The following USP43 variants were observed in gnomAD, a reference collection of about 807,000 sequenced individuals.
USP43 encodes the protein ubiquitin carboxyl-terminal hydrolase 43.
In USP43, 33 loss-of-function variants were observed where a neutral mutation model predicts 90.7. That is an observed-to-expected ratio of 0.36 (90% CI 0.28 to 0.49). The LOEUF is 0.49. USP43 is among the 20% of genes least tolerant of loss of function. USP43 has a pLI of 0.98. For synonymous variants in USP43, 598 were observed against 615.8 expected, an observed-to-expected ratio of 0.97 and a Z score of 0.43; for missense variants, 1,274 against 1,476.4, an observed-to-expected ratio of 0.86 and a Z score of 2.25.
At chr17:9,660,098 C>G (rs954160936) in intron 2 of USP43, among the ~76,000 whole-genome samples, 1 of 152,136 alleles carries the variant, frequency 6.6e-6, no homozygotes, top group Non-Finnish European at 1.5e-5. Context: ...GGTGCACCAC[C>G]CCCAGACCTT....
intron 1 of USP43, among the ~76,000 whole-genome samples, chr17:9,653,407 G>A (rs144743624): frequency 2.0e-5 from 3 of 152,202 alleles, no homozygotes; most frequent in Admixed American, 6.5e-5. Context: ...GGCCAACATG[G>A]CGAAACCCCA....
intron 2 of USP43, among the ~76,000 whole-genome samples, chr17:9,663,241 G>A (rs1912768122): frequency 6.6e-6 from 1 of 151,746 alleles, no homozygotes; most frequent in African/African-American, 2.4e-5. Flanking sequence ...AACTTTTTTA[G>A]CCGGATCAGA....
At chr17:9,711,906 T>C in intron 13 of USP43, 62 bp from the exon 14 acceptor site, 1 of 1,466,570 alleles carries the variant, frequency 6.8e-7, no homozygotes, top group South Asian at 1.5e-5. Context: ...TGTGAGATGC[T>C]CCGCTAGGAC....
intron 13 of USP43, among the ~76,000 whole-genome samples, chr17:9,710,377 A>G (rs777964783): frequency 4.6e-5 from 7 of 152,038 alleles, no homozygotes; most frequent in Middle Eastern, 3.2e-3. Context: ...GTGGTATTCC[A>G]TATTCCTAGT....
At chr17:9,702,198 C>CA (rs956217393) in intron 12 of USP43, among the ~76,000 whole-genome samples, 11 of 146,702 alleles carry the variant, frequency 7.5e-5, no homozygotes, top group African/African-American at 2.3e-4. Context: ...CCCGTCTCTA[C>CA]AAAAAAAATG....
chr17:9,671,395 C>T (rs1259473698), intron 3 of USP43, among the ~76,000 whole-genome samples: 1 of 152,092 alleles, frequency 6.6e-6, no homozygotes. Flanking sequence ...AAGGTGAGAT[C>T]TTGCTTACGT....
At chr17:9,708,410 G>A (rs1373869458) in intron 12 of USP43, among the ~76,000 whole-genome samples, 1 of 152,192 alleles carries the variant, frequency 6.6e-6, no homozygotes, top group Non-Finnish European at 1.5e-5. Flanking sequence ...TTCAGGGGCC[G>A]AGTGAGAGAC....
chr17:9,682,559 G>A (rs925160803), intron 6 of USP43, among the ~76,000 whole-genome samples: 1 of 152,218 alleles, frequency 6.6e-6, no homozygotes, highest in Non-Finnish European at 1.5e-5. Flanking sequence ...GGGGGACAGA[G>A]CGAGACTCTG....
intron 7 of USP43, among the ~76,000 whole-genome samples, chr17:9,685,613 AT>A (rs895552673): frequency 6.6e-6 from 1 of 152,186 alleles, no homozygotes; most frequent in African/African-American, 2.4e-5. Flanking sequence ...CAGTGTCTCC[AT>A]TTGTTACAAG....
At chr17:9,726,107 G>A (rs987782203) in intron 14 of USP43, among the ~76,000 whole-genome samples, 6 of 152,160 alleles carry the variant, frequency 3.9e-5, no homozygotes, top group Non-Finnish European at 5.9e-5. Flanking sequence ...ACATCCTTGA[G>A]ATGCTTTCTA....
Position 9,675,049 on chromosome 17 carries a change from C to T in USP43, c.833+66C>T, listed in dbSNP as rs527454129. ...ATCCTTACTCATTACGGGGAAGCTTCTGGCCTCACACCTGCCATTTTCTCT... is the reference window on the plus strand; with the variant it reads ...ATCCTTACTCATTACGGGGAAGCTTTTGGCCTCACACCTGCCATTTTCTCT... On this transcript the variant is annotated intron_variant, in intron 4 of 14. Coordinates refer to ENST00000285199, the MANE Select transcript of USP43 (RefSeq NM_153210.5). 9.3e-6 allele frequency: 13 copies of T among 1,404,850 alleles called. No homozygotes were observed. In the South Asian group the frequency reaches 1.4e-4, roughly 15 times the overall value. 87.0% of individuals were successfully genotyped at this position (1,404,850 alleles called of 1,614,324 possible).
At chr17:9,675,414 G>T (rs1688506620) in intron 4 of USP43, among the ~76,000 whole-genome samples, 1 of 151,962 alleles carries the variant, frequency 6.6e-6, no homozygotes, top group Non-Finnish European at 1.5e-5. Flanking sequence ...GAAAGGGGTT[G>T]TTTGGGGAAG....
intron 2 of USP43, among the ~76,000 whole-genome samples, chr17:9,665,702 C>A (rs1567651858): frequency 1.3e-5 from 2 of 152,154 alleles, no homozygotes; most frequent in African/African-American, 4.8e-5. Flanking sequence ...GAGATGGGGT[C>A]ATTAACCTGG....
chr17:9,727,879 C>G, intron 14 of USP43, 75 bp from the exon 15 acceptor site: 2 of 1,491,760 alleles, frequency 1.3e-6, no homozygotes, highest in Non-Finnish European at 1.8e-6. Context: ...ATCAGAGGTG[C>G]TCAGTGAACG....
intron 13 of USP43, 113 bp from the exon 14 acceptor site, chr17:9,711,841 TGTTCTGGTTCTGTA>T: frequency 9.0e-7 from 1 of 1,110,304 alleles, no homozygotes; most frequent in Non-Finnish European, 1.2e-6. Flanking sequence ...TCTGCAGTTC[TGTTCTGGTTCTGTA>T]GTTCTGGGGC....
At chr17:9,695,660 G>GTA in intron 9 of USP43, among the ~76,000 whole-genome samples, 1 of 152,242 alleles carries the variant, frequency 6.6e-6, no homozygotes, top group Non-Finnish European at 1.5e-5. Context: ...ACTTGAAAGT[G>GTA]TACAGTTCAG....
At position 9,701,605 on chromosome 17, in the gene USP43, C is replaced by T. The variant is rs186741506; in HGVS notation, c.1916C>T (p.Pro639Leu). 6.1e-5 allele frequency: 96 copies of T among 1,582,224 alleles called. No homozygotes were observed. In the East Asian group the frequency reaches 1.2e-3, roughly 20 times the overall value. ...GGCCCCTGGCCTTCCTGGAAGCAGCCGGACTGCCTGCCCACCAGTTACCCG... is the reference window on the plus strand; with the variant it reads ...GGCCCCTGGCCTTCCTGGAAGCAGCTGGACTGCCTGCCCACCAGTTACCCG... The part of the protein sequence containing the change: ...GLGPWPSWKQ[P>L]DCLPTSYPLD... The change falls in exon 12 of 15, where the codon CCG becomes CTG. Residue 639 changes from proline (P) to leucine (L), a missense_variant. Around this residue, in one of 6 missense-constraint regions of USP43, gnomAD observed 285 missense variants for 349.6 expected, o/e 0.82. Coordinates refer to ENST00000285199, the MANE Select transcript of USP43 (RefSeq NM_153210.5). This position sits in a 1 kb window ranked among gnomAD's most constrained non-coding sequence, Gnocchi z 7.2.
intron 13 of USP43, 117 bp from the exon 14 acceptor site, chr17:9,711,851 C>T: frequency 8.3e-7 from 1 of 1,208,892 alleles, no homozygotes; most frequent in Non-Finnish European, 1.1e-6. Flanking sequence ...TGTTCTGGTT[C>T]TGTAGTTCTG....
At chr17:9,690,996 A>G (rs1346589768) in intron 8 of USP43, among the ~76,000 whole-genome samples, 1 of 152,160 alleles carries the variant, frequency 6.6e-6, no homozygotes, top group Non-Finnish European at 1.5e-5. Context: ...TGTTTTAGGT[A>G]CCTTATATAA....
Sources: gnomAD v4.1 joint callset for allele counts (sites outside exome capture counted in the v4.1 genomes callset) on GRCh38, gnomAD v4.1.1 for gene constraint, gnomAD v4.1.1 regional missense constraint, Gnocchi (gnomAD v3.1) non-coding constraint, MANE v1.5 for transcripts, NCBI Gene and HGNC (gene_info 2026-07-23, HGNC 2026-07-21) for gene names.